Variants in SCNN1G observed in about 807,000 individuals in gnomAD.
SCNN1G encodes the protein epithelial sodium channel subunit gamma.
SCNN1G carries 27 observed loss-of-function variants against 64.6 expected under a neutral mutation model. That is an observed-to-expected ratio of 0.42 (90% CI 0.31 to 0.58). The LOEUF is 0.58. SCNN1G is among the 20% of genes least tolerant of loss of function. SCNN1G has a pLI of 0.18. For synonymous variants in SCNN1G, 330 were observed against 314.2 expected, an observed-to-expected ratio of 1.05 and a Z score of -0.53; for missense variants, 743 against 823.4, an observed-to-expected ratio of 0.90 and a Z score of 1.19.
chr16:23,193,432 G>T (rs1241344800), intron 4 of SCNN1G, among the ~76,000 whole-genome samples: 2 of 152,124 alleles, frequency 1.3e-5, no homozygotes, highest in Non-Finnish European at 2.9e-5. Context: ...GATTGCTTGA[G>T]CTCAGGAGTT....
At chr16:23,187,108 T>TTC (rs1413232608) in intron 2 of SCNN1G, among the ~76,000 whole-genome samples, 1 of 139,154 alleles carries the variant, frequency 7.2e-6, no homozygotes, top group Non-Finnish European at 1.5e-5. Context: ...GGCCTTTTCT[T>TTC]TTTTTTTTTT....
rs1490099901 is a variant in SCNN1G at position 23,186,208 on chromosome 16, T to C, written c.-44-20T>C. 14 of 1,541,384 alleles carry C rather than the reference T, an allele frequency of 9.1e-6. No homozygotes were observed. Among genetic ancestry groups the C allele is most frequent in the Non-Finnish European group, 1.1e-5 (12 of 1,115,036 alleles). ...GCTAGTGCCTGCCAGCTCACCTGCT[T>C]CTCTTCTTTGCCCCTCCAGCACGCC... On this transcript the variant is annotated intron_variant, in intron 1 of 12. Transcript: ENST00000300061.
Position 23,215,078 on chromosome 16 carries a change from C to T in SCNN1G, c.1570-11C>T. ...GTTCCTCTTGATGGTGTGGCTTGGC[C>T]TGTCTTGCAGATTGAGATGCTTCTG... is the stretch of plus-strand genomic sequence containing the variant. On this transcript the variant is annotated splice_polypyrimidine_tract_variant and intron_variant, in intron 12 of 12. Transcript: ENST00000300061. The T allele has an allele frequency of 6.2e-7, 1 of 1,613,900 alleles. No individual in the cohort carries two copies. The highest frequency in any genetic ancestry group is 8.5e-7 in the Non-Finnish European group (1 of 1,179,992).
chr16:23,212,573 G>T (rs1000716645), intron 8 of SCNN1G, 105 bp from the exon 9 acceptor site: 3 of 871,908 alleles, frequency 3.4e-6, no homozygotes, highest in African/African-American at 3.3e-5. Flanking sequence ...AGTGGGAGGA[G>T]AAATCATTAA....
At chr16:23,213,330 G>C (rs933382400) in intron 11 of SCNN1G, among the ~76,000 whole-genome samples, 167 bp downstream of exon 11, 2 of 145,098 alleles carry the variant, frequency 1.4e-5, no homozygotes, top group Non-Finnish European at 3.0e-5. Flanking sequence ...TCAGCTCACT[G>C]TAACTTCTGC....
chr16:23,204,322 T>TACAC (rs1959949441), intron 6 of SCNN1G, among the ~76,000 whole-genome samples: 2 of 75,358 alleles, frequency 2.7e-5, no homozygotes, highest in African/African-American at 5.2e-5. Context: ...TATATATATA[T>TACAC]ATATATATAT....
rs1289382680 is a variant in SCNN1G, at chr16:23,192,374, G to A, written c.641G>A (p.Cys214Tyr). 2 of 1,613,992 alleles carry A rather than the reference G, an allele frequency of 1.2e-6. No individual in the cohort carries two copies. Among genetic ancestry groups the A allele is most frequent in the Non-Finnish European group, 1.7e-6 (2 of 1,180,006 alleles). Residue 214 changes from cysteine (C) to tyrosine (Y), a missense_variant, in exon 4 of 13, where the codon TGT becomes TAT. Transcript: ENST00000300061. ...FQLCSNDTSD[C>Y]ATYTFSSGIN... ...CAGTGCTCAAATGACACCTCCGACT[G>A]TGCCACCTACACCTTCAGCTCGGGA...
rs13306659 is a variant in SCNN1G at position 23,214,797 on chromosome 16, G to C, written c.1569+10G>C. On this transcript the variant is annotated intron_variant, in intron 12 of 12. Transcript: ENST00000300061. ...GAGCCCAGCCAACAGTGTGAGTAGA[G>C]TGGCTTCCTTCCAGGACCTGTCCTG... 5 of 1,607,584 alleles carry C rather than the reference G, an allele frequency of 3.1e-6. No homozygotes were observed. The highest frequency in any genetic ancestry group is 4.3e-6 in the Non-Finnish European group (5 of 1,174,148).
At chr16:23,212,233 AC>A in intron 8 of SCNN1G, 82 bp downstream of exon 8, 1 of 885,620 alleles carries the variant, frequency 1.1e-6, no homozygotes, top group Non-Finnish European at 1.9e-6. Context: ...CTGGGACTCC[AC>A]CCCTGTTGCC....
At chr16:23,194,076 C>T (rs1959755415) in intron 4 of SCNN1G, 95 bp from the exon 5 acceptor site, 3 of 831,958 alleles carry the variant, frequency 3.6e-6, no homozygotes, top group Non-Finnish European at 6.4e-6. Context: ...ACACATTCTC[C>T]CCAAAGAGAG....
intron 7 of SCNN1G, 47 bp downstream of exon 7, chr16:23,209,895 C>G: frequency 1.5e-6 from 2 of 1,362,246 alleles, no homozygotes; most frequent in South Asian, 2.3e-5. Context: ...TGGCCCGGAC[C>G]CAGGAGACAA....
At chr16:23,199,374 C>T (rs1437035068) in intron 6 of SCNN1G, among the ~76,000 whole-genome samples, 1 of 152,180 alleles carries the variant, frequency 6.6e-6, no homozygotes, top group African/African-American at 2.4e-5. Flanking sequence ...CATTGATAGA[C>T]ATTAGGTCAT....
intron 3 of SCNN1G, among the ~76,000 whole-genome samples, chr16:23,191,958 C>T (rs1199782620): frequency 6.6e-6 from 1 of 152,196 alleles, no homozygotes. Context: ...CTCTCCCCCT[C>T]CTGCAGAGTC....
At chr16:23,215,048 G>A (rs1960137650) in intron 12 of SCNN1G, 41 bp from the exon 13 acceptor site, 3 of 1,613,218 alleles carry the variant, frequency 1.9e-6, no homozygotes, top group Admixed American at 1.7e-5. Flanking sequence ...CCAACTTGGG[G>A]GGAGGTTCCT....
At chr16:23,209,101 T>G (rs1960038646) in intron 6 of SCNN1G, among the ~76,000 whole-genome samples, 1 of 152,176 alleles carries the variant, frequency 6.6e-6, no homozygotes, top group Non-Finnish European at 1.5e-5. Context: ...GCCTTTCCTG[T>G]TTGCTCTACC....
intron 6 of SCNN1G, among the ~76,000 whole-genome samples, chr16:23,204,334 T>TATATATATATAGAGAGAGAGAG (rs1567267153): frequency 6.6e-5 from 1 of 15,174 alleles, no homozygotes; most frequent in Non-Finnish European, 1.1e-4. Context: ...TATATATATA[T>TATATATATATAGAGAGAGAGAG]AGAGAGAGAG....
At chr16:23,213,355 C>A (rs989209978) in intron 11 of SCNN1G, among the ~76,000 whole-genome samples, 192 bp downstream of exon 11, 1 of 150,798 alleles carries the variant, frequency 6.6e-6, no homozygotes, top group African/African-American at 2.4e-5. Context: ...TGGGTTTCAG[C>A]AATCCTCCTG....
intron 4 of SCNN1G, 30 bp downstream of exon 4, chr16:23,192,572 C>T: frequency 6.3e-7 from 1 of 1,582,390 alleles, no homozygotes; most frequent in African/African-American, 1.3e-5. Flanking sequence ...CTCTCAGCCT[C>T]TAAGGACTGG....
intron 6 of SCNN1G, among the ~76,000 whole-genome samples, chr16:23,205,730 G>T (rs1959979719): frequency 1.3e-5 from 2 of 149,968 alleles, no homozygotes; most frequent in Non-Finnish European, 3.0e-5. Context: ...TCCCTCCCAG[G>T]TCTGCACAGG....
Sources: allele counts gnomAD v4.1 joint callset (sites outside exome capture counted in the v4.1 genomes callset), GRCh38; gene constraint gnomAD v4.1.1; transcripts MANE v1.5; gene names NCBI Gene and HGNC (gene_info 2026-07-23, HGNC 2026-07-21).